PAK5: variants seen among roughly 807,000 people sequenced by gnomAD.
PAK5 encodes the protein p21 (RAC1) activated kinase 5, also known as serine/threonine-protein kinase PAK 5.
PAK5 carries 16 observed loss-of-function variants against 65.9 expected under a neutral mutation model. The observed-to-expected ratio is 0.24, with a 90% CI of 0.16 to 0.37. PAK5 has a LOEUF of 0.37. Among genes scored for constraint, PAK5 ranks in the 10% least tolerant of loss-of-function variants. The pLI is 1.00. For missense variants in PAK5, 785 were observed against 903.9 expected, an observed-to-expected ratio of 0.87 and a Z score of 1.69; for synonymous variants, 371 against 354.9, an observed-to-expected ratio of 1.05 and a Z score of -0.51.
chr20:9,713,837 T>G (rs1488315133), intron 1 of PAK5, among the ~76,000 whole-genome samples: 1 of 151,982 alleles, frequency 6.6e-6, no homozygotes, highest in Non-Finnish European at 1.5e-5. Context: ...GAATAATGGT[T>G]TCCAGAGACT....
At chr20:9,663,376 A>G (rs1307720019) in intron 2 of PAK5, among the ~76,000 whole-genome samples, 1 of 152,170 alleles carries the variant, frequency 6.6e-6, no homozygotes, top group Non-Finnish European at 1.5e-5. Flanking sequence ...TCTAAGAGGT[A>G]TTTAATGTGA....
chr20:9,810,311 G>A (rs1329504076), intron 1 of PAK5, among the ~76,000 whole-genome samples: 2 of 152,350 alleles, frequency 1.3e-5, no homozygotes, highest in Admixed American at 1.3e-4. Flanking sequence ...TGTGGCTCAT[G>A]CCTGTAGTCC....
At chr20:9,671,853 A>G (rs1301083399) in intron 2 of PAK5, among the ~76,000 whole-genome samples, 2 of 152,092 alleles carry the variant, frequency 1.3e-5, no homozygotes, top group Admixed American at 1.3e-4. Context: ...GTCTTGTGCC[A>G]GTTTTCAAAG....
intron 1 of PAK5, among the ~76,000 whole-genome samples, chr20:9,760,735 G>A (rs1160062731): frequency 1.5e-5 from 2 of 136,344 alleles, no homozygotes; most frequent in Admixed American, 8.2e-5. Context: ...GCCGTGGTAC[G>A]ATCTCGGCTC....
intron 2 of PAK5, among the ~76,000 whole-genome samples, chr20:9,677,045 ATGTGTGTGTG>A (rs4053117): frequency 0.021 from 3,011 of 141,176 alleles, 63 homozygotes; most frequent in Middle Eastern, 0.05. Context: ...GGGTATGTGC[ATGTGTGTGTG>A]TGTGTGTGTG....
intron 1 of PAK5, among the ~76,000 whole-genome samples, chr20:9,736,129 G>A (rs1194349512): frequency 3.3e-5 from 5 of 151,746 alleles, no homozygotes; most frequent in South Asian, 2.1e-4. Flanking sequence ...TTGAACTCCC[G>A]ACCTCAGCTG....
chr20:9,588,089 AT>A lies in PAK5; in HGVS notation c.205-7160del, dbSNP rs1209303499. Among the ~76,000 whole-genome samples the A allele has an allele frequency of 3.9e-5, 6 of 152,282 alleles. No homozygotes were observed. The South Asian group carries it at 1.0e-3, about 26-fold the overall frequency. The stretch of plus-strand genomic sequence containing the variant: ...AACGATGACTTCCATTTATTTCACC[AT>A]TTTGGTACACCTGCTTCTTTAGCAC... On this transcript the variant is annotated intron_variant, in intron 3 of 9. Coordinates refer to ENST00000353224, the MANE Select transcript of PAK5 (RefSeq NM_177990.4).
chr20:9,647,393 A>C (rs2047148380), intron 2 of PAK5, among the ~76,000 whole-genome samples: 1 of 152,226 alleles, frequency 6.6e-6, no homozygotes, highest in Non-Finnish European at 1.5e-5. Context: ...CATTTTTTAA[A>C]AATGCAAGAT....
intron 2 of PAK5, among the ~76,000 whole-genome samples, chr20:9,688,753 C>T (rs192164268): frequency 6.6e-6 from 1 of 152,058 alleles, no homozygotes; most frequent in East Asian, 1.9e-4. Context: ...AGTTTCCCCA[C>T]TAGCAAAAAA....
chr20:9,684,795 G>C (rs569621841), intron 2 of PAK5, among the ~76,000 whole-genome samples: 3 of 152,168 alleles, frequency 2.0e-5, no homozygotes, highest in Non-Finnish European at 4.4e-5. Context: ...CTAATAAATA[G>C]GTAGAAGGTT....
intron 2 of PAK5, among the ~76,000 whole-genome samples, chr20:9,654,475 C>T (rs746379323): frequency 6.6e-6 from 1 of 152,208 alleles, no homozygotes; most frequent in South Asian, 2.1e-4. Flanking sequence ...TCACTGCTCT[C>T]TCCATGTCAG....
At position 9,540,404 on chromosome 20, in the gene PAK5, C is replaced by T. The variant is rs145713592; in HGVS notation, c.2005-787G>A. Among the ~76,000 whole-genome samples the T allele has an allele frequency of 5.1e-4, 78 of 152,336 alleles. 2 individuals carry two copies. The highest frequency in any genetic ancestry group is 1.6e-3 in the African/African-American group (66 of 41,580). Reference sequence around the variant, plus strand: ...CCTATCTCCCTGCAAAAGGTCACCACTATTTTAATTTATAGCATAACTTAG... The same window carrying T: ...CCTATCTCCCTGCAAAAGGTCACCATTATTTTAATTTATAGCATAACTTAG... On this transcript the variant is annotated intron_variant, in intron 9 of 9. Transcript: ENST00000353224.
chr20:9,580,493 G>T lies in PAK5; in HGVS notation c.642C>A (p.Asp214Glu). The T allele has an allele frequency of 6.2e-7, 1 of 1,614,108 alleles. No homozygotes were observed. Among genetic ancestry groups the T allele is most frequent in the Non-Finnish European group, 8.5e-7 (1 of 1,179,980 alleles). ...DSLSKPSEYS[D>E]LKWEYQRASS... ...AGGCTCTCTGATACTCCCACTTGAG[G>T]TCACTGTATTCACTTGGTTTGCTCA... Residue 214 changes from aspartate to glutamate, a missense_variant, in exon 4 of 10, where the codon GAC becomes GAA. Physicochemically the swap from Asp to Glu is conservative, Grantham distance 45 (BLOSUM62 2). Transcript: ENST00000353224.
chr20:9,553,197 G>A (rs990956245), intron 7 of PAK5, among the ~76,000 whole-genome samples: 6 of 152,088 alleles, frequency 3.9e-5, no homozygotes, highest in African/African-American at 1.4e-4. Flanking sequence ...TGAACTCATT[G>A]TGTGTGTAGT....
intron 2 of PAK5, among the ~76,000 whole-genome samples, chr20:9,669,930 C>A (rs559888838): frequency 7.9e-5 from 12 of 151,438 alleles, no homozygotes; most frequent in South Asian, 2.1e-4. Context: ...GCCTCCCCCC[C>A]ACCCCACAAC....
intron 2 of PAK5, among the ~76,000 whole-genome samples, chr20:9,697,379 T>C (rs1375601129): frequency 1.3e-5 from 2 of 152,180 alleles, no homozygotes; most frequent in East Asian, 3.9e-4. Flanking sequence ...TTTATGTGTT[T>C]CTCCATGTTG....
chr20:9,758,027 G>C (rs772414390), intron 1 of PAK5, among the ~76,000 whole-genome samples: 17 of 152,164 alleles, frequency 1.1e-4, no homozygotes, highest in Non-Finnish European at 2.4e-4. Flanking sequence ...TTTGCAGAAG[G>C]AGTTTGCTTC....
At chr20:9,597,415 A>G (rs2046290221) in intron 3 of PAK5, among the ~76,000 whole-genome samples, 1 of 152,218 alleles carries the variant, frequency 6.6e-6, no homozygotes. Flanking sequence ...TTAAATTCCT[A>G]AAACAAGCAC....
At chr20:9,725,811 T>C (rs2048270524) in intron 1 of PAK5, among the ~76,000 whole-genome samples, 2 of 152,174 alleles carry the variant, frequency 1.3e-5, no homozygotes, top group African/African-American at 2.4e-5. Flanking sequence ...AAATTTTAAA[T>C]GCACTGATAT....
Sources: allele counts gnomAD v4.1 joint callset (sites outside exome capture counted in the v4.1 genomes callset), GRCh38; gene constraint gnomAD v4.1.1; transcripts MANE v1.5; gene names NCBI Gene and HGNC (gene_info 2026-07-23, HGNC 2026-07-21).